The following DCAF8L2 variants were observed in gnomAD, a reference collection of about 807,000 sequenced individuals.
DCAF8L2 encodes the protein DDB1- and CUL4-associated factor 8-like protein 2.
For synonymous variants in DCAF8L2, 200 were observed against 190.9 expected, an observed-to-expected ratio of 1.05 and a Z score of -0.39; for missense variants, 430 against 490.7, an observed-to-expected ratio of 0.88 and a Z score of 1.17.
At chrX:27,572,176 T>A in the DCAF8L2 span, among the ~76,000 whole-genome samples, 77 of 112,006 alleles carry the variant, frequency 6.9e-4, no homozygotes, top group African/African-American at 2.3e-3. Flanking sequence ...TAAGTGTCCT[T>A]GAGTACTCTG....
At chrX:27,699,451 C>T (rs2147265542) in intron 3 of DCAF8L2, among the ~76,000 whole-genome samples, 1 of 111,733 alleles carries the variant, frequency 8.9e-6, no homozygotes, top group Admixed American at 9.5e-5. Flanking sequence ...ATGACTATCA[C>T]TCTAAGAAAA....
At chrX:27,646,802 G>T in intron 2 of DCAF8L2, among the ~76,000 whole-genome samples, 1 of 111,338 alleles carries the variant, frequency 9.0e-6, no homozygotes, top group East Asian at 2.8e-4. Context: ...CAACAAACAT[G>T]AAAAAAAGCT....
At chrX:27,547,887 C>T in the DCAF8L2 span, among the ~76,000 whole-genome samples, 7 of 63,651 alleles carry the variant, frequency 1.1e-4, no homozygotes, top group African/African-American at 3.8e-4. Flanking sequence ...CTCTCTCTCT[C>T]TCTTTCTCTC....
intron 1 of DCAF8L2, among the ~76,000 whole-genome samples, chrX:27,631,320 C>T (rs944397395): frequency 1.8e-5 from 2 of 111,380 alleles, no homozygotes; most frequent in African/African-American, 6.5e-5. Context: ...TAAGCTTTTC[C>T]TCTAAAATCA....
chrX:27,625,922 C>T (rs966534025), intron 1 of DCAF8L2, among the ~76,000 whole-genome samples: 1 of 111,206 alleles, frequency 9.0e-6, no homozygotes, highest in African/African-American at 3.3e-5. Context: ...TGCTTATTAC[C>T]AGGGTGGCAA....
chrX:27,587,983 AAAATAT>A (rs1389671197), upstream of DCAF8L2, among the ~76,000 whole-genome samples: 200 of 25,115 alleles, frequency 8.0e-3, no homozygotes, highest in African/African-American at 0.021. Context: ...ATTAAAAAAA[AAAATAT>A]ATATATATAT....
rs750395244 is a variant in DCAF8L2 at position 27,747,988 on chromosome X, A to G, written c.1093A>G (p.Lys365Glu). 9.1e-6 allele frequency: 11 copies of G among 1,210,226 alleles called. No individual in the cohort carries two copies. The East Asian group carries it at 3.0e-4, about 33-fold the overall frequency. ...AGTTGTGGTAACAAGAGAAAATGATAAGAAAGTGGGACTGTATACAATTAC... is the reference window on the plus strand; with the variant it reads ...AGTTGTGGTAACAAGAGAAAATGATGAGAAAGTGGGACTGTATACAATTAC... Reference protein sequence around the residue: ...SKVVVTRENDKKVGLYTITVN... With the variant: ...SKVVVTRENDEKVGLYTITVN... Residue 365 changes from lysine to glutamate, a missense_variant, in exon 5 of 5, where the codon AAG becomes GAG. Coordinates refer to ENST00000451261, the MANE Select transcript of DCAF8L2 (RefSeq NM_001353450.2).
chrX:27,599,588 T>G (rs1392513911), intron 1 of DCAF8L2, among the ~76,000 whole-genome samples: 1 of 110,954 alleles, frequency 9.0e-6, no homozygotes, highest in Admixed American at 9.7e-5. Flanking sequence ...ATGAGAGAAT[T>G]TTGGGAGGTG....
At chrX:27,628,259 G>A (rs111458151) in intron 1 of DCAF8L2, among the ~76,000 whole-genome samples, 24,948 of 110,484 alleles carry the variant, frequency 0.23, 2,558 homozygotes, top group Middle Eastern at 0.32. Context: ...CAAATGAAAG[G>A]ATTTTCTTTT....
At chrX:27,710,527 G>A (rs1931490578) in intron 3 of DCAF8L2, among the ~76,000 whole-genome samples, 1 of 111,187 alleles carries the variant, frequency 9.0e-6, no homozygotes, top group Admixed American at 9.6e-5. Flanking sequence ...TTAATCATAA[G>A]TACTTGATGA....
chrX:27,494,175 A>G, the DCAF8L2 span, among the ~76,000 whole-genome samples: 16 of 111,411 alleles, frequency 1.4e-4, no homozygotes, highest in African/African-American at 5.2e-4. Context: ...TGGGAGGCCA[A>G]GGTGGGCGGA....
rs370314069 is a variant in DCAF8L2, at chrX:27,743,187, T to C, written c.-58-3651T>C. 1.8e-4 allele frequency among the ~76,000 whole-genome samples: 20 copies of C among 109,220 alleles called. No homozygotes were observed. The East Asian group carries it at 4.9e-3, about 27-fold the overall frequency. The allele number at this position is 109,220 out of a possible 115,157, so 94.8% of individuals were successfully genotyped here. On this transcript the variant is annotated intron_variant, in intron 4 of 4. Coordinates refer to ENST00000451261, the MANE Select transcript of DCAF8L2 (RefSeq NM_001353450.2). ...GCCTCGATCTCCCAGGCCCAAGGGA[T>C]GGGATTCGCTTGTCTCAGCCTCCCG...
chrX:27,745,301 T>C (rs1922105739), intron 4 of DCAF8L2, among the ~76,000 whole-genome samples: 1 of 112,422 alleles, frequency 8.9e-6, no homozygotes, highest in African/African-American at 3.2e-5. Flanking sequence ...TCCTGAGTTG[T>C]GAATCAATTA....
At chrX:27,477,825 A>T in the DCAF8L2 span, among the ~76,000 whole-genome samples, 1 of 111,997 alleles carries the variant, frequency 8.9e-6, no homozygotes, top group Admixed American at 9.5e-5. Context: ...AGTCATTCAA[A>T]GACAACTAAC....
the DCAF8L2 span, chrX:27,518,307 C>T: frequency 9.3e-7 from 1 of 1,076,205 alleles, no homozygotes; most frequent in Non-Finnish European, 1.3e-6. Flanking sequence ...ACAACACAAA[C>T]TAACAAAAGA....
chrX:27,477,365 G>A, the DCAF8L2 span, among the ~76,000 whole-genome samples: 1 of 111,737 alleles, frequency 8.9e-6, no homozygotes, highest in African/African-American at 3.3e-5. Flanking sequence ...TCGGCTCACT[G>A]CAAGCTCTGC....
the DCAF8L2 span, among the ~76,000 whole-genome samples, chrX:27,495,336 A>G: frequency 9.0e-6 from 1 of 111,210 alleles, no homozygotes; most frequent in Non-Finnish European, 1.9e-5. Context: ...GAAATTGTGA[A>G]TTTTTCATCC....
chrX:27,512,793 A>AAAAAAC, the DCAF8L2 span, among the ~76,000 whole-genome samples: 2 of 94,712 alleles, frequency 2.1e-5, no homozygotes, highest in Non-Finnish European at 4.1e-5. Flanking sequence ...AAAAAAAAAA[A>AAAAAAC]AAAAAAAAAA....
chrX:27,622,252 G>A (rs1473941207), intron 1 of DCAF8L2, among the ~76,000 whole-genome samples: 6 of 104,118 alleles, frequency 5.8e-5, no homozygotes, highest in Non-Finnish European at 1.2e-4. Context: ...GTGAAACCCC[G>A]TCTCTACTAA....
Sources: allele counts gnomAD v4.1 joint callset (sites outside exome capture counted in the v4.1 genomes callset), GRCh38; gene constraint gnomAD v4.1.1; transcripts MANE v1.5; gene names NCBI Gene and HGNC (gene_info 2026-07-23, HGNC 2026-07-21).